Variants in VAV2 observed in about 807,000 individuals in gnomAD.
The protein encoded by VAV2 is vav guanine nucleotide exchange factor 2.
VAV2 carries 67 observed loss-of-function variants against 132.5 expected under a neutral mutation model. The observed-to-expected ratio is 0.51, with a 90% confidence interval of 0.42 to 0.62. The LOEUF is 0.62. VAV2 is among the 20% of genes least tolerant of loss of function. The pLI is 0.00. For synonymous variants in VAV2, 492 were observed against 443.5 expected (o/e 1.11, Z -1.37); for missense variants, 938 against 1,153.6 (o/e 0.81, Z 2.71).
chr9:133,873,296 T>G (rs1012683436), intron 2 of VAV2, among the ~76,000 whole-genome samples: 1 of 152,108 alleles, frequency 6.6e-6, no homozygotes, highest in African/African-American at 2.4e-5. Context: ...GTCCTAAGCC[T>G]GCCACGGACG....
chr9:133,985,186 C>A (rs1452681079), intron 1 of VAV2, among the ~76,000 whole-genome samples: 1 of 151,788 alleles, frequency 6.6e-6, no homozygotes, highest in Non-Finnish European at 1.5e-5. Context: ...AGCAGGAACA[C>A]CCCAGCAGCA....
At position 133,919,072 on chromosome 9, in the gene VAV2, C is replaced by T. The variant is rs776522483; in HGVS notation, c.321+20031G>A. ...ACAGGTGAGAGCTACCACCCCCGGCCGCCACCATGTTTTTAAAGACTTCCC... is the reference window on the plus strand; with the variant it reads ...ACAGGTGAGAGCTACCACCCCCGGCTGCCACCATGTTTTTAAAGACTTCCC... On this transcript the variant is annotated intron_variant, in intron 2 of 29. Coordinates refer to ENST00000371850, the MANE Select transcript of VAV2 (RefSeq NM_001134398.2). This position sits in a 1 kb window ranked among gnomAD's most constrained non-coding sequence, Gnocchi z 5.8. Among the ~76,000 whole-genome samples the T allele has an allele frequency of 6.6e-6, 1 of 152,090 alleles. No individual in the cohort carries two copies. Among genetic ancestry groups the T allele is most frequent in the Non-Finnish European group, 1.5e-5 (1 of 68,014 alleles).
chr9:133,854,267 G>A (rs112391809), intron 3 of VAV2, among the ~76,000 whole-genome samples: 53 of 129,088 alleles, frequency 4.1e-4, no homozygotes, highest in South Asian at 1.7e-3. Flanking sequence ...ACACACACAC[G>A]CACATACCCA....
chr9:133,903,716 T>C (rs1268348321), intron 2 of VAV2, among the ~76,000 whole-genome samples: 3 of 152,042 alleles, frequency 2.0e-5, no homozygotes, highest in Non-Finnish European at 4.4e-5. Flanking sequence ...AGCGTGGGCG[T>C]CACTGAAAAA....
At chr9:133,897,400 CT>C (rs1839255601) in intron 2 of VAV2, among the ~76,000 whole-genome samples, 1 of 152,180 alleles carries the variant, frequency 6.6e-6, no homozygotes, top group Admixed American at 6.5e-5. Context: ...CTCTGCCCCC[CT>C]GTAACCCACC....
chr9:133,816,252 T>C (rs1169969960), intron 4 of VAV2, among the ~76,000 whole-genome samples: 1 of 152,248 alleles, frequency 6.6e-6, no homozygotes, highest in East Asian at 1.9e-4. Context: ...TTTGTGATTC[T>C]TCCCCCAGTC....
intron 4 of VAV2, among the ~76,000 whole-genome samples, chr9:133,829,809 T>G (rs1439139525): frequency 6.6e-6 from 1 of 152,176 alleles, no homozygotes; most frequent in African/African-American, 2.4e-5. Context: ...TACATTCTTA[T>G]GATTAATTTC....
At position 133,840,025 on chromosome 9, in the gene VAV2, T is replaced by C. The variant is rs939246804; in HGVS notation, c.381-5685A>G. ...AGGCCATCTTCAGGCACCAGCTGAT[T>C]TTCCTTCCCGCACTTACCCCTAGCG... On this transcript the variant is annotated intron_variant, in intron 3 of 29. Transcript: ENST00000371850. The surrounding 1 kb of genome is among the most constrained non-coding windows in gnomAD (Gnocchi z 4.5). Among the ~76,000 whole-genome samples, 1 of 151,870 alleles carries C rather than the reference T, an allele frequency of 6.6e-6. No homozygotes were observed. Among genetic ancestry groups the C allele is most frequent in the Non-Finnish European group, 1.5e-5 (1 of 67,952 alleles).
intron 2 of VAV2, among the ~76,000 whole-genome samples, chr9:133,874,669 ACACAGATGTCTTGCCCCCTC>A (rs1440004070): frequency 6.6e-6 from 1 of 152,124 alleles, no homozygotes; most frequent in Non-Finnish European, 1.5e-5. Context: ...CCCACTCTCT[ACACAGATGTCTTGCCCCCTC>A]CAAGAACCTC....
intron 1 of VAV2, among the ~76,000 whole-genome samples, chr9:133,960,362 C>A (rs746403619): frequency 6.6e-6 from 1 of 152,150 alleles, no homozygotes; most frequent in Non-Finnish European, 1.5e-5. Flanking sequence ...GCTCCTTGGT[C>A]TCTGGCAAGG....
intron 2 of VAV2, among the ~76,000 whole-genome samples, chr9:133,875,352 G>A (rs911477324): frequency 6.6e-6 from 1 of 152,204 alleles, no homozygotes; most frequent in African/African-American, 2.4e-5. Flanking sequence ...ACAGCCCCGG[G>A]GAGCTATCCA....
chr9:133,771,055 G>A (rs1310915706), intron 26 of VAV2, among the ~76,000 whole-genome samples: 1 of 144,546 alleles, frequency 6.9e-6, no homozygotes, highest in Non-Finnish European at 1.5e-5. Flanking sequence ...ATGGGATTAT[G>A]GATTTTCTTT....
At chr9:133,908,596 C>T (rs1009358581) in intron 2 of VAV2, among the ~76,000 whole-genome samples, 1 of 152,110 alleles carries the variant, frequency 6.6e-6, no homozygotes, top group Non-Finnish European at 1.5e-5. Flanking sequence ...GCACCCTGCA[C>T]CAAGCCCAGA....
chr9:133,818,179 A>G (rs932149661), intron 4 of VAV2, among the ~76,000 whole-genome samples: 1 of 152,054 alleles, frequency 6.6e-6, no homozygotes, highest in Non-Finnish European at 1.5e-5. Context: ...CCTGTCTAAC[A>G]TGATGAAAAC....
intron 2 of VAV2, among the ~76,000 whole-genome samples, chr9:133,867,182 C>T (rs1837840164): frequency 6.8e-6 from 1 of 147,256 alleles, no homozygotes; most frequent in Non-Finnish European, 1.5e-5. Flanking sequence ...AGGCGTCTGT[C>T]CACATAGGGT....
At chr9:133,900,246 CCATTTTAGGAA>C in intron 2 of VAV2, among the ~76,000 whole-genome samples, 1 of 151,854 alleles carries the variant, frequency 6.6e-6, no homozygotes, top group Non-Finnish European at 1.5e-5. Context: ...AACCATGGAC[CCATTTTAGGAA>C]CATTTCATGA....
intron 15 of VAV2, among the ~76,000 whole-genome samples, chr9:133,787,835 C>G (rs1313858610): frequency 6.8e-6 from 1 of 146,970 alleles, no homozygotes; most frequent in Non-Finnish European, 1.5e-5. Context: ...ACAGGCCCCA[C>G]CCCTGCAGCC....
At chr9:133,876,582 G>C (rs548040641) in intron 2 of VAV2, among the ~76,000 whole-genome samples, 1 of 152,220 alleles carries the variant, frequency 6.6e-6, no homozygotes, top group African/African-American at 2.4e-5. Context: ...AGCTGGCCTC[G>C]CCTGGGGCAG....
At chr9:133,902,410 G>A (rs530391557) in intron 2 of VAV2, among the ~76,000 whole-genome samples, 19 of 152,302 alleles carry the variant, frequency 1.2e-4, no homozygotes, top group African/African-American at 4.3e-4. Flanking sequence ...CAGATTTGCG[G>A]AGCCTGAAAT....
Sources: allele counts gnomAD v4.1 joint callset (sites outside exome capture counted in the v4.1 genomes callset), GRCh38; gene constraint gnomAD v4.1.1; non-coding constraint Gnocchi (gnomAD v3.1); transcripts MANE v1.5; gene names NCBI Gene and HGNC (gene_info 2026-07-23, HGNC 2026-07-21).